Variants in SLC35D4 observed in about 807,000 individuals in gnomAD.
SLC35D4 encodes solute carrier family 35 member D4, also known as UDP-N-acetylglucosamine transporter SLC35D4.
chr18:23,337,454 G>A, the SLC35D4 span, among the ~76,000 whole-genome samples: 4 of 149,378 alleles, frequency 2.7e-5, no homozygotes, highest in South Asian at 2.1e-4. Flanking sequence ...CAGTCTGGGC[G>A]ACAGAGCAAG....
chr18:23,430,724 C>T, the SLC35D4 span: 3 of 1,504,908 alleles, frequency 2.0e-6, no homozygotes, highest in African/African-American at 1.4e-5. Context: ...TGATAGAAAA[C>T]TGACAAACCA....
the SLC35D4 span, among the ~76,000 whole-genome samples, chr18:23,313,319 A>G: frequency 1.3e-5 from 2 of 151,726 alleles, no homozygotes; most frequent in African/African-American, 4.8e-5. Flanking sequence ...ATGTAGTGTC[A>G]GCACACAAAA....
the SLC35D4 span, among the ~76,000 whole-genome samples, chr18:23,381,804 C>G: frequency 1.3e-5 from 2 of 152,190 alleles, no homozygotes; most frequent in African/African-American, 4.8e-5. Flanking sequence ...ACTTTCTAAC[C>G]CTCAGTCCTA....
chr18:23,433,139 C>T, the SLC35D4 span, among the ~76,000 whole-genome samples: 1 of 151,604 alleles, frequency 6.6e-6, no homozygotes, highest in Non-Finnish European at 1.5e-5. Context: ...TGGCTCACTG[C>T]AACCTTTGCC....
the SLC35D4 span, among the ~76,000 whole-genome samples, chr18:23,382,357 A>C: frequency 1.3e-5 from 2 of 151,818 alleles, no homozygotes; most frequent in South Asian, 2.1e-4. Flanking sequence ...TCTGCTCCTG[A>C]ATCTCAGTGA....
At chr18:23,313,863 C>T in the SLC35D4 span, among the ~76,000 whole-genome samples, 1 of 152,218 alleles carries the variant, frequency 6.6e-6, no homozygotes, top group African/African-American at 2.4e-5. Flanking sequence ...CCACACCAGT[C>T]TCCCTCTTTG....
the SLC35D4 span, among the ~76,000 whole-genome samples, chr18:23,354,345 C>CAAAAAAAAAAAAAAAA: frequency 4.0e-5 from 4 of 99,114 alleles, no homozygotes; most frequent in African/African-American, 1.3e-4. Context: ...ACTAAAAATA[C>CAAAAAAAAAAAAAAAA]AAAAAAAAAA....
At chr18:23,271,790 C>G in the SLC35D4 span, among the ~76,000 whole-genome samples, 2 of 152,132 alleles carry the variant, frequency 1.3e-5, no homozygotes, top group East Asian at 3.9e-4. Context: ...ATGGTTTGAT[C>G]AATCATGCCT....
the SLC35D4 span, among the ~76,000 whole-genome samples, chr18:23,282,594 A>G: frequency 6.6e-6 from 1 of 152,146 alleles, no homozygotes; most frequent in African/African-American, 2.4e-5. Flanking sequence ...TGGGCCAAGC[A>G]CCAGTACCCT....
the SLC35D4 span, among the ~76,000 whole-genome samples, chr18:23,355,534 T>A: frequency 2.0e-5 from 3 of 151,916 alleles, no homozygotes; most frequent in African/African-American, 7.3e-5. Context: ...CTGAAACTTT[T>A]CTGAGGGTGA....
the SLC35D4 span, among the ~76,000 whole-genome samples, chr18:23,287,453 C>A: frequency 6.6e-6 from 1 of 152,190 alleles, no homozygotes; most frequent in South Asian, 2.1e-4. Flanking sequence ...CAGTCAAGCC[C>A]AAATTTCTTC....
At chr18:23,341,109 T>C in the SLC35D4 span, among the ~76,000 whole-genome samples, 1 of 152,248 alleles carries the variant, frequency 6.6e-6, no homozygotes, top group African/African-American at 2.4e-5. Flanking sequence ...TTACATCATA[T>C]GTGAGAGGGG....
chr18:23,325,293 T>G, the SLC35D4 span, among the ~76,000 whole-genome samples: 1 of 152,102 alleles, frequency 6.6e-6, no homozygotes, highest in Middle Eastern at 3.2e-3. Context: ...CTTGTCCTAA[T>G]GAGAATTTTC....
the SLC35D4 span, among the ~76,000 whole-genome samples, chr18:23,420,752 C>T: frequency 2.0e-5 from 3 of 152,100 alleles, no homozygotes; most frequent in African/African-American, 7.2e-5. Flanking sequence ...ATCCTATGAT[C>T]TAAAACAAAG....
the SLC35D4 span, among the ~76,000 whole-genome samples, chr18:23,275,082 GC>G: frequency 6.7e-6 from 1 of 150,130 alleles, no homozygotes; most frequent in Non-Finnish European, 1.5e-5. Context: ...GTGTGTGTGT[GC>G]TTGTGTGCGT....
chr18:23,294,599 A>C, the SLC35D4 span, among the ~76,000 whole-genome samples: 3 of 152,264 alleles, frequency 2.0e-5, no homozygotes, highest in East Asian at 5.8e-4. Context: ...ATCTCTACAA[A>C]GAATAAAAAA....
At chr18:23,417,891 C>T in the SLC35D4 span, among the ~76,000 whole-genome samples, 1 of 152,132 alleles carries the variant, frequency 6.6e-6, no homozygotes, top group African/African-American at 2.4e-5. Flanking sequence ...ATGTGACAGC[C>T]AATTCCCTCA....
At chr18:23,268,816 G>A in the SLC35D4 span, among the ~76,000 whole-genome samples, 2 of 152,044 alleles carry the variant, frequency 1.3e-5, no homozygotes, top group Non-Finnish European at 2.9e-5. Context: ...GTGTGTGTGT[G>A]TGTGTGTGTA....
At chr18:23,406,762 T>G in the SLC35D4 span, among the ~76,000 whole-genome samples, 1 of 152,238 alleles carries the variant, frequency 6.6e-6, no homozygotes, top group Non-Finnish European at 1.5e-5. Context: ...GAATTGTTGT[T>G]TGATCAAATA....
Sources: gnomAD v4.1 joint callset for allele counts (sites outside exome capture counted in the v4.1 genomes callset) on GRCh38, gnomAD v4.1.1 for gene constraint, MANE v1.5 for transcripts, NCBI Gene and HGNC (gene_info 2026-07-23, HGNC 2026-07-21) for gene names.